The following DLG2 variants were observed in gnomAD, a reference collection of about 807,000 sequenced individuals.
The protein encoded by DLG2 is discs large MAGUK scaffold protein 2, also known as disks large homolog 2.
A neutral mutation model predicts 132.5 loss-of-function variants in DLG2; 45 were observed. The ratio of observed to expected loss-of-function variants is 0.34; its 90% CI spans 0.27 to 0.44. The LOEUF (loss-of-function observed/expected upper bound fraction) is 0.44. Among genes scored for constraint, DLG2 ranks in the 20% least tolerant of loss-of-function variants. The pLI, the probability that DLG2 is intolerant of heterozygous loss-of-function variation, is 1.00. For missense variants in DLG2, 1,045 were observed against 1,196.9 expected, an observed-to-expected ratio of 0.87 and a Z score of 1.87; for synonymous variants, 424 against 419.6, an observed-to-expected ratio of 1.01 and a Z score of -0.13.
chr11:83,674,811 C>T (rs2077410203), intron 18 of DLG2, among the ~76,000 whole-genome samples: 1 of 152,126 alleles, frequency 6.6e-6, no homozygotes. Flanking sequence ...AAGCAAGAGG[C>T]AAGAAGAAAT....
chr11:85,484,776 T>C (rs1418208802), intron 3 of DLG2, among the ~76,000 whole-genome samples: 3 of 149,426 alleles, frequency 2.0e-5, no homozygotes, highest in African/African-American at 7.3e-5. Context: ...AGTTCAACCA[T>C]TGTGGAAGTC....
At chr11:83,719,773 A>T (rs1368453860) in intron 18 of DLG2, among the ~76,000 whole-genome samples, 1 of 152,172 alleles carries the variant, frequency 6.6e-6, no homozygotes, top group Non-Finnish European at 1.5e-5. Flanking sequence ...TCAAAACTAT[A>T]GCAGGAGGTG....
At chr11:85,575,112 T>C (rs970956715) in intron 3 of DLG2, among the ~76,000 whole-genome samples, 2 of 151,278 alleles carry the variant, frequency 1.3e-5, no homozygotes, top group Non-Finnish European at 2.9e-5. Context: ...CAGACCCTAT[T>C]ATTATTATTC....
chr11:85,487,166 T>C (rs1185901961), intron 3 of DLG2, among the ~76,000 whole-genome samples: 1 of 149,840 alleles, frequency 6.7e-6, no homozygotes, highest in Non-Finnish European at 1.5e-5. Flanking sequence ...TCAGGAAAAA[T>C]CCTCCCCCAT....
Position 83,613,798 on chromosome 11 carries a change from G to A in DLG2, c.1940+19413C>T, listed in dbSNP as rs188416212. On this transcript the variant is annotated intron_variant, in intron 19 of 27. Coordinates refer to ENST00000376104, the MANE Select transcript of DLG2 (RefSeq NM_001142699.3). The stretch of plus-strand genomic sequence containing the variant: ...AAAGAAACCAAAAAAAGAAAGAAAA[G>A]ATAAAATAGTGGTTCTCAGATTTGC... Among the ~76,000 whole-genome samples the A allele has an allele frequency of 5.9e-3, 901 of 152,256 alleles. 4 individuals are homozygous for A. Among genetic ancestry groups the A allele is most frequent in the Non-Finnish European group, 9.0e-3 (612 of 67,990 alleles).
chr11:84,599,662 A>G (rs1035260794), intron 6 of DLG2, among the ~76,000 whole-genome samples: 2 of 152,148 alleles, frequency 1.3e-5, no homozygotes, highest in Non-Finnish European at 2.9e-5. Flanking sequence ...TTTTGGGAGC[A>G]TTTAGTATTC....
chr11:83,962,994 G>A lies in DLG2; in HGVS notation c.1231C>T (p.Leu411Phe). 1 of 1,612,982 alleles carries A rather than the reference G, an allele frequency of 6.2e-7. No individual in the cohort carries two copies. Among genetic ancestry groups the A allele is most frequent in the Non-Finnish European group, 8.5e-7 (1 of 1,179,068 alleles). ...TCTAAAGTGCCATTGTTGCCAGAGA[G>A]TAGATGGTTTTCCATTGGTGGAGAA... ...SYSPPMENHL[L>F]SGNNGTLEYK... The change falls in exon 14 of 28, where the codon CTC becomes TTC. Residue 411 changes from leucine to phenylalanine, a missense_variant. Coordinates refer to ENST00000376104, the MANE Select transcript of DLG2 (RefSeq NM_001142699.3).
intron 21 of DLG2, among the ~76,000 whole-genome samples, chr11:83,495,468 C>T (rs912348838): frequency 2.6e-5 from 4 of 152,136 alleles, no homozygotes; most frequent in Non-Finnish European, 5.9e-5. Context: ...AGGGTCATCT[C>T]ATTTTCTCAA....
chr11:83,736,028 A>G (rs562140578), intron 18 of DLG2, among the ~76,000 whole-genome samples: 1 of 152,330 alleles, frequency 6.6e-6, no homozygotes, highest in East Asian at 1.9e-4. Context: ...ATTAGATTGG[A>G]CAGTATAAAA....
At chr11:84,062,188 A>C (rs1174694852) in intron 10 of DLG2, among the ~76,000 whole-genome samples, 1 of 152,206 alleles carries the variant, frequency 6.6e-6, no homozygotes, top group Non-Finnish European at 1.5e-5. Context: ...TCAGATGTTC[A>C]TTCCTGAATA....
At chr11:84,720,492 C>G in intron 6 of DLG2, 2 of 985,182 alleles carry the variant, frequency 2.0e-6, no homozygotes, top group Non-Finnish European at 2.4e-6. Context: ...GCTGCCGCTT[C>G]GATCACTGCC....
At chr11:85,310,090 T>C (rs2080218362) in intron 3 of DLG2, among the ~76,000 whole-genome samples, 1 of 152,186 alleles carries the variant, frequency 6.6e-6, no homozygotes, top group African/African-American at 2.4e-5. Context: ...AATTAAGAGT[T>C]TGTCAGTCTT....
intron 6 of DLG2, among the ~76,000 whole-genome samples, chr11:84,814,497 G>A (rs942652287): frequency 1.8e-4 from 27 of 152,092 alleles, no homozygotes; most frequent in African/African-American, 6.3e-4. Flanking sequence ...TCTAACATGA[G>A]AGTCTAGGCC....
chr11:84,885,049 A>G (rs1044570949), intron 6 of DLG2, among the ~76,000 whole-genome samples: 2 of 152,078 alleles, frequency 1.3e-5, no homozygotes, highest in Admixed American at 6.6e-5. Flanking sequence ...CTATGTCGCA[A>G]TGCCTGCATC....
chr11:83,903,911 G>GT (rs1491007583), intron 15 of DLG2, among the ~76,000 whole-genome samples: 1 of 152,022 alleles, frequency 6.6e-6, no homozygotes, highest in African/African-American at 2.4e-5. Flanking sequence ...CAAATACTGT[G>GT]TTTTTTCCTA....
intron 18 of DLG2, among the ~76,000 whole-genome samples, chr11:83,669,369 G>T (rs533934975): frequency 6.6e-6 from 1 of 152,264 alleles, no homozygotes; most frequent in Non-Finnish European, 1.5e-5. Flanking sequence ...ATTCTAGGCT[G>T]CTGTGTCTCA....
intron 6 of DLG2, among the ~76,000 whole-genome samples, chr11:84,691,714 T>A (rs2058066544): frequency 6.6e-6 from 1 of 151,700 alleles, no homozygotes; most frequent in Non-Finnish European, 1.5e-5. Flanking sequence ...TACATGTATA[T>A]ACGTGTTACT....
intron 7 of DLG2, among the ~76,000 whole-genome samples, chr11:84,521,593 A>G (rs1311828967): frequency 6.6e-6 from 1 of 152,210 alleles, no homozygotes; most frequent in Non-Finnish European, 1.5e-5. Flanking sequence ...TTTATTGCTG[A>G]ACTTAAAAGC....
intron 3 of DLG2, among the ~76,000 whole-genome samples, chr11:85,597,104 T>C (rs925130212): frequency 6.6e-6 from 1 of 151,938 alleles, no homozygotes; most frequent in Non-Finnish European, 1.5e-5. Flanking sequence ...TATTTATCAT[T>C]CACTTAAAAT....
Sources: allele counts gnomAD v4.1 joint callset (sites outside exome capture counted in the v4.1 genomes callset), GRCh38; gene constraint gnomAD v4.1.1; transcripts MANE v1.5; gene names NCBI Gene and HGNC (gene_info 2026-07-23, HGNC 2026-07-21).